Variants in CELA2B observed in about 807,000 individuals in gnomAD.
CELA2B encodes the protein chymotrypsin-like elastase family member 2B.
A neutral mutation model predicts 36.5 loss-of-function variants in CELA2B; 27 were observed. The ratio of observed to expected loss-of-function variants is 0.74; its 90% CI spans 0.55 to 1.02. The LOEUF is 1.02. Ranked by LOEUF, CELA2B falls within the 50% of genes least tolerant of loss-of-function variation. The probability of loss-of-function intolerance (pLI) is 0.00; values close to 1 mark genes in which losing one functional copy is unlikely to be tolerated. For synonymous variants in CELA2B, 143 were observed against 148.5 expected, an observed-to-expected ratio of 0.96 and a Z score of 0.27; for missense variants, 340 against 347.8, an observed-to-expected ratio of 0.98 and a Z score of 0.18.
intron 2 of CELA2B, 126 bp downstream of exon 2, chr1:15,476,671 C>A: frequency 3.4e-6 from 3 of 875,170 alleles, no homozygotes; most frequent in Admixed American, 2.1e-5. Flanking sequence ...GAGAGCAGCA[C>A]AGGAAACTTC....
chr1:15,490,645 A>G (rs1038770118), intron 7 of CELA2B, among the ~76,000 whole-genome samples: 51 of 152,152 alleles, frequency 3.4e-4, no homozygotes, highest in African/African-American at 1.1e-3. Context: ...AGACGGGTAG[A>G]TCACTTGAGG....
Position 15,483,325 on chromosome 1 carries a change from G to T in CELA2B, c.418G>T (p.Ala140Ser), listed in dbSNP as rs1481565306. 6.2e-7 allele frequency: 1 copy of T among 1,614,012 alleles called. No individual in the cohort carries two copies. Residue 140 changes from alanine to serine, a missense_variant, in exon 5 of 8, where the codon GCC (alanine) becomes TCC (serine). Ala to Ser is a moderately conservative substitution (Grantham distance 99). Transcript: ENST00000375910. ...CTCCCTCACCGACAAGATCCAGCTG[G>T]CCTGCCTCCCTCCTGCCGGCACCAT... ...PVSLTDKIQL[A>S]CLPPAGTILP...
chr1:15,485,020 C>T (rs1400032122), intron 5 of CELA2B, among the ~76,000 whole-genome samples: 2 of 151,990 alleles, frequency 1.3e-5, no homozygotes, highest in Non-Finnish European at 2.9e-5. Context: ...GCCTCAGCCT[C>T]CTGAGCAGCT....
intron 6 of CELA2B, 78 bp downstream of exon 6, chr1:15,486,124 C>G: frequency 6.5e-7 from 1 of 1,537,840 alleles, no homozygotes; most frequent in Non-Finnish European, 8.8e-7. Flanking sequence ...AAAACCATCC[C>G]TCCATAGGTC....
chr1:15,489,178 A>T (rs763499785), intron 7 of CELA2B, among the ~76,000 whole-genome samples: 38 of 152,312 alleles, frequency 2.5e-4, no homozygotes, highest in Non-Finnish European at 2.6e-4. Context: ...TCCTGGCAGC[A>T]TCCTGGGGAC....
chr1:15,478,626 C>T (rs1436764946), intron 2 of CELA2B, among the ~76,000 whole-genome samples: 8 of 148,470 alleles, frequency 5.4e-5, no homozygotes, highest in African/African-American at 1.0e-4. Context: ...AGTGCAGTGG[C>T]GCAGTCTCAG....
intron 4 of CELA2B, among the ~76,000 whole-genome samples, chr1:15,482,621 A>C (rs1420025345): frequency 6.6e-6 from 1 of 152,104 alleles, no homozygotes; most frequent in Non-Finnish European, 1.5e-5. Flanking sequence ...GTTTGCTGCC[A>C]GTTAAGCCTG....
At chr1:15,480,277 G>A (rs543561479) in intron 2 of CELA2B, among the ~76,000 whole-genome samples, 3 of 152,238 alleles carry the variant, frequency 2.0e-5, no homozygotes, top group Admixed American at 1.3e-4. Context: ...CAGTGCAATC[G>A]CAGCTCACTG....
chr1:15,483,343 G>C lies in CELA2B; in HGVS notation c.436G>C (p.Gly146Arg). 2 of 1,614,026 alleles carry C rather than the reference G, an allele frequency of 1.2e-6. No homozygotes were observed. The highest frequency in any genetic ancestry group is 2.7e-5 in the African/African-American group (2 of 75,028). ...CCAGCTGGCCTGCCTCCCTCCTGCC[G>C]GCACCATTCTACCCAACAACTACCC... ...KIQLACLPPA[G>R]TILPNNYPCY... Residue 146 changes from glycine (G) to arginine (R), a missense_variant, in exon 5 of 8, where the codon GGC becomes CGC. By Grantham distance (125) the Gly-to-Arg change is moderately radical. Coordinates refer to ENST00000375910, the MANE Select transcript of CELA2B (RefSeq NM_015849.3).
intron 4 of CELA2B, among the ~76,000 whole-genome samples, chr1:15,482,800 T>C (rs1486205404): frequency 6.6e-6 from 1 of 152,152 alleles, no homozygotes; most frequent in Admixed American, 6.5e-5. Context: ...TTTTCTTTTT[T>C]TGTGAGATGG....
intron 4 of CELA2B, among the ~76,000 whole-genome samples, 187 bp downstream of exon 4, chr1:15,482,580 G>A (rs1469470414): frequency 3.9e-5 from 6 of 152,126 alleles, no homozygotes; most frequent in Non-Finnish European, 7.4e-5. Context: ...GACCTGGGGA[G>A]GGTGAAGCAA....
rs767131277 is a variant in CELA2B at position 15,482,316 on chromosome 1, A to C, written c.279A>C (p.Ala93=). 6.2e-7 allele frequency: 1 copy of C among 1,614,016 alleles called. No homozygotes were observed. The highest frequency in any genetic ancestry group is 1.3e-5 in the African/African-American group (1 of 74,930). Residue 93 remains alanine, a synonymous_variant, in exon 4 of 8, where the codon GCA becomes GCC. Transcript: ENST00000375910. ...TGGGCCAGCATAACCTCTACGTTGC[A>C]GAGTCCGGCTCGCTGGCCGTCAGTG... The part of the protein sequence containing the change: ...VMLGQHNLYV[A]ESGSLAVSVS...
Position 15,482,413 on chromosome 1 carries a change from C to T in CELA2B, c.356+20C>T. On this transcript the variant is annotated intron_variant, in intron 4 of 7. Transcript: ENST00000375910. ...CAAAGGGTTCGTTTCTATCTGGGTG[C>T]ACTTGGGGGTGAGGTTGTCAGGGAA... 1 of 1,613,666 alleles carries T rather than the reference C, an allele frequency of 6.2e-7. No individual in the cohort carries two copies. Among genetic ancestry groups the T allele is most frequent in the Non-Finnish European group, 8.5e-7 (1 of 1,179,712 alleles).
intron 7 of CELA2B, among the ~76,000 whole-genome samples, chr1:15,488,750 C>T (rs947727332): frequency 6.6e-6 from 1 of 152,186 alleles, no homozygotes; most frequent in African/African-American, 2.4e-5. Flanking sequence ...ATTAAACTGA[C>T]ACTTATAAAA....
intron 7 of CELA2B, among the ~76,000 whole-genome samples, chr1:15,488,339 G>A (rs111317394): frequency 4.6e-5 from 7 of 152,218 alleles, no homozygotes; most frequent in African/African-American, 1.7e-4. Context: ...GTAAGCCAAG[G>A]TCGCACCACT....
intron 5 of CELA2B, among the ~76,000 whole-genome samples, chr1:15,485,303 T>A (rs1708791310): frequency 6.6e-6 from 1 of 152,204 alleles, no homozygotes; most frequent in African/African-American, 2.4e-5. Flanking sequence ...GCTGTGTCAT[T>A]GGGGGCCATT....
intron 2 of CELA2B, among the ~76,000 whole-genome samples, chr1:15,477,032 A>G (rs1180194446): frequency 1.3e-5 from 2 of 152,178 alleles, no homozygotes; most frequent in Non-Finnish European, 2.9e-5. Flanking sequence ...CTTGGGAGTG[A>G]AGGGAGAGGT....
At chr1:15,476,283 A>G (rs1440191565) in intron 1 of CELA2B, 118 bp downstream of exon 1, 2 of 1,477,116 alleles carry the variant, frequency 1.4e-6, no homozygotes, top group South Asian at 1.2e-5. Flanking sequence ...ACCTATAATC[A>G]TAAGAAAACC....
intron 7 of CELA2B, among the ~76,000 whole-genome samples, chr1:15,490,249 TATCTATC>T (rs1708863034): frequency 7.0e-6 from 1 of 141,856 alleles, no homozygotes; most frequent in Non-Finnish European, 1.5e-5. Context: ...TCTATCTATC[TATCTATC>T]TATATACACA....
Sources: gnomAD v4.1 joint callset for allele counts (sites outside exome capture counted in the v4.1 genomes callset) on GRCh38, gnomAD v4.1.1 for gene constraint, MANE v1.5 for transcripts, NCBI Gene and HGNC (gene_info 2026-07-23, HGNC 2026-07-21) for gene names.